Variants in KIAA1549L observed in about 807,000 individuals in gnomAD.
KIAA1549L encodes the protein UPF0606 protein KIAA1549L.
A neutral mutation model predicts 160.7 loss-of-function variants in KIAA1549L; 88 were observed. That is an observed-to-expected ratio of 0.55 (90% CI 0.46 to 0.65). The LOEUF is 0.65. Among genes scored for constraint, KIAA1549L ranks in the 30% least tolerant of loss-of-function variants. The probability of loss-of-function intolerance (pLI) is 0.00; values close to 1 mark genes in which losing one functional copy is unlikely to be tolerated. For missense variants in KIAA1549L, 2,258 were observed against 2,437.5 expected (o/e 0.93, Z 1.55); for synonymous variants, 950 against 976.7 (o/e 0.97, Z 0.51).
chr11:33,568,471 G>A (rs1463862815), intron 9 of KIAA1549L, among the ~76,000 whole-genome samples: 2 of 152,168 alleles, frequency 1.3e-5, no homozygotes, highest in Admixed American at 1.3e-4. Context: ...ACACAAGGAA[G>A]TCTCGGTACA....
At chr11:33,487,655 T>C (rs563005530) in intron 1 of KIAA1549L, among the ~76,000 whole-genome samples, 1 of 152,166 alleles carries the variant, frequency 6.6e-6, no homozygotes, top group Non-Finnish European at 1.5e-5. Context: ...TAAAAAATAC[T>C]TGAAACCCAT....
chr11:33,584,975 T>A (rs977924031), intron 11 of KIAA1549L, among the ~76,000 whole-genome samples: 2 of 152,204 alleles, frequency 1.3e-5, no homozygotes, highest in Admixed American at 1.3e-4. Context: ...CACGCATGCC[T>A]TAGTTCTTTC....
intron 8 of KIAA1549L, among the ~76,000 whole-genome samples, chr11:33,564,215 C>A (rs538832764): frequency 1.3e-5 from 2 of 152,302 alleles, no homozygotes; most frequent in Non-Finnish European, 2.9e-5. Flanking sequence ...AGCCACCAAC[C>A]AACCTGCCCC....
intron 1 of KIAA1549L, among the ~76,000 whole-genome samples, chr11:33,464,474 ATGTGTGTGTGTG>A (rs3038997): frequency 3.7e-4 from 52 of 140,198 alleles, no homozygotes; most frequent in East Asian, 3.2e-3. Context: ...CTGTGTGTGC[ATGTGTGTGTGTG>A]TGTGTGTGTG....
intron 15 of KIAA1549L, among the ~76,000 whole-genome samples, chr11:33,614,191 T>G (rs1392480485): frequency 6.6e-6 from 1 of 152,052 alleles, no homozygotes; most frequent in Non-Finnish European, 1.5e-5. Context: ...GTTTCTATAT[T>G]TGATGATTTG....
Position 33,530,431 on chromosome 11 carries a change from AAAAAAATATATATATATATATATATAT to A in KIAA1549L, c.239-11369_239-11343del, listed in dbSNP as rs1396574392. On this transcript the variant is annotated intron_variant, in intron 1 of 20. Coordinates refer to ENST00000658780, the MANE Select transcript of KIAA1549L (RefSeq NM_012194.3). ...AGAAGAAGGAAAAAAAAAAAAAAAA[AAAAAAATATATATATATATATATATAT>A]ATATATATATATATATATATATATA... 8.4e-3 allele frequency among the ~76,000 whole-genome samples: 108 copies of A among 12,896 alleles called. 8 individuals carry two copies. Among genetic ancestry groups the A allele is most frequent in the African/African-American group, 0.025 (100 of 4,022 alleles). The allele number at this position is 12,896 out of a possible 152,430, so 8.5% of individuals were successfully genotyped here.
intron 1 of KIAA1549L, among the ~76,000 whole-genome samples, chr11:33,395,176 C>T (rs1270788144): frequency 1.3e-5 from 2 of 152,242 alleles, no homozygotes; most frequent in Non-Finnish European, 2.9e-5. Flanking sequence ...AATGTCAACT[C>T]TAGCAGGACA....
chr11:33,472,947 G>A (rs756602968), intron 1 of KIAA1549L, among the ~76,000 whole-genome samples: 4 of 152,182 alleles, frequency 2.6e-5, no homozygotes, highest in Admixed American at 6.5e-5. Flanking sequence ...AGCTTCCAAT[G>A]TGTGACCAGG....
At chr11:33,439,985 T>C (rs78852346) in intron 1 of KIAA1549L, among the ~76,000 whole-genome samples, 4,605 of 152,210 alleles carry the variant, frequency 0.03, 233 homozygotes, top group African/African-American at 0.11. Context: ...TTTACGTTGA[T>C]TATCATTACG....
At chr11:33,555,804 A>ATT (rs1854627647) in intron 6 of KIAA1549L, among the ~76,000 whole-genome samples, 1 of 152,262 alleles carries the variant, frequency 6.6e-6, no homozygotes. Context: ...AAGTAGGCAA[A>ATT]TTAGACTTCA....
chr11:33,503,812 T>G (rs980789064), intron 1 of KIAA1549L, among the ~76,000 whole-genome samples: 10 of 152,250 alleles, frequency 6.6e-5, no homozygotes, highest in Admixed American at 2.0e-4. Flanking sequence ...ATTCTGTGAA[T>G]GTAACCCTTC....
At chr11:33,445,876 C>T (rs1038532534) in intron 1 of KIAA1549L, among the ~76,000 whole-genome samples, 1 of 152,170 alleles carries the variant, frequency 6.6e-6, no homozygotes, top group Non-Finnish European at 1.5e-5. Context: ...AGGAAGACAG[C>T]CATCTATGAG....
intron 1 of KIAA1549L, among the ~76,000 whole-genome samples, chr11:33,397,333 C>A (rs1399684564): frequency 1.1e-3 from 144 of 135,068 alleles, no homozygotes; most frequent in Non-Finnish European, 1.2e-3. Context: ...GACTCTGTGT[C>A]AAAAAAAAAA....
chr11:33,661,891 A>G lies in KIAA1549L; in HGVS notation c.6159+877A>G, dbSNP rs1485530686. On this transcript the variant is annotated intron_variant, in intron 20 of 20. Coordinates refer to ENST00000658780, the MANE Select transcript of KIAA1549L (RefSeq NM_012194.3). Reference sequence around the variant, plus strand: ...CAAGACTATGTCTCAAAAAAAAAAAAAAAAAAAAAAAAAAAGAAACCCAAG... The same window carrying G: ...CAAGACTATGTCTCAAAAAAAAAAAGAAAAAAAAAAAAAAAGAAACCCAAG... 2.0e-5 allele frequency among the ~76,000 whole-genome samples: 3 copies of G among 149,660 alleles called. No individual in the cohort carries two copies. In the East Asian group the frequency reaches 5.8e-4, roughly 29 times the overall value.
Position 33,516,385 on chromosome 11 carries a change from T to C in KIAA1549L, c.239-25417T>C, listed in dbSNP as rs1465578584. Among the ~76,000 whole-genome samples, 2 of 126,936 alleles carry C rather than the reference T, an allele frequency of 1.6e-5. 1 individual carries two copies. Among genetic ancestry groups the C allele is most frequent in the Non-Finnish European group, 3.3e-5 (2 of 61,416 alleles). The allele number at this position is 126,936 out of a possible 152,430, so 83.3% of individuals were successfully genotyped here. ...CCAGGATGGTCTCGATCTCCTGACC[T>C]CGTGATCCGCCCGCCTCGGCCTCCC... On this transcript the variant is annotated intron_variant, in intron 1 of 20. Coordinates refer to ENST00000658780, the MANE Select transcript of KIAA1549L (RefSeq NM_012194.3).
chr11:33,536,795 C>A (rs896018394), intron 1 of KIAA1549L, among the ~76,000 whole-genome samples: 3 of 152,206 alleles, frequency 2.0e-5, no homozygotes, highest in African/African-American at 7.2e-5. Flanking sequence ...ATCTCCCATG[C>A]AGGGCTCAAC....
intron 1 of KIAA1549L, among the ~76,000 whole-genome samples, chr11:33,514,303 A>G (rs1352216331): frequency 6.6e-6 from 1 of 152,226 alleles, no homozygotes; most frequent in African/African-American, 2.4e-5. Flanking sequence ...TGAAACAATG[A>G]AAAAATTTAA....
intron 11 of KIAA1549L, among the ~76,000 whole-genome samples, chr11:33,588,659 C>T (rs1849951470): frequency 6.6e-6 from 1 of 152,162 alleles, no homozygotes; most frequent in East Asian, 1.9e-4. Flanking sequence ...AGAGACATTA[C>T]CAAGTTATCT....
In KIAA1549L at chr11:33,673,627, G is replaced by C. The variant is rs1032655891; in HGVS notation, c.*5473G>C. 1 of 152,184 alleles carries C rather than the reference G, an allele frequency of 6.6e-6. No individual in the cohort carries two copies. Among genetic ancestry groups the C allele is most frequent in the African/African-American group, 2.4e-5 (1 of 41,428 alleles). The allele number at this position is 152,184 out of a possible 1,614,324, so 9.4% of individuals were successfully genotyped here. On this transcript the variant is annotated 3_prime_UTR_variant, in exon 21 of 21. Transcript: ENST00000658780. ...TGCATAATGTATCTGAAAATGGCTTGACAAGCACTTGAAGCCATTCTTACT... is the reference window on the plus strand; with the variant it reads ...TGCATAATGTATCTGAAAATGGCTTCACAAGCACTTGAAGCCATTCTTACT...
Sources: gnomAD v4.1 joint callset for allele counts (sites outside exome capture counted in the v4.1 genomes callset) on GRCh38, gnomAD v4.1.1 for gene constraint, MANE v1.5 for transcripts, NCBI Gene and HGNC (gene_info 2026-07-23, HGNC 2026-07-21) for gene names.